PTPN14: variants seen among roughly 807,000 people sequenced by gnomAD.
PTPN14 encodes the protein protein tyrosine phosphatase non-receptor type 14, also known as tyrosine-protein phosphatase non-receptor type 14.
In PTPN14, 53 loss-of-function variants were observed where a neutral mutation model predicts 126.8. That is an observed-to-expected ratio of 0.42 (90% CI 0.34 to 0.53). The LOEUF (loss-of-function observed/expected upper bound fraction) is 0.53. PTPN14 is among the 20% of genes least tolerant of loss of function. The probability of loss-of-function intolerance (pLI) is 0.08; values close to 1 mark genes in which losing one functional copy is unlikely to be tolerated. For missense variants in PTPN14, 1,257 were observed against 1,552.9 expected, an observed-to-expected ratio of 0.81 and a Z score of 3.20; for synonymous variants, 630 against 599.3, an observed-to-expected ratio of 1.05 and a Z score of -0.75.
rs1272103157 is a variant in PTPN14, at chr1:214,355,865, T to C, written c.*2057A>G. On this transcript the variant is annotated 3_prime_UTR_variant, in exon 19 of 19. Coordinates refer to ENST00000366956, the MANE Select transcript of PTPN14 (RefSeq NM_005401.5). ...ACAAAAGCAGCAATGAAGAAAGGCATATGGAACTCTCACAGCAGTCAATTC... is the reference window on the plus strand; with the variant it reads ...ACAAAAGCAGCAATGAAGAAAGGCACATGGAACTCTCACAGCAGTCAATTC... 6.6e-6 allele frequency: 1 copy of C among 152,044 alleles called. No homozygotes were observed. The highest frequency in any genetic ancestry group is 1.5e-5 in the Non-Finnish European group (1 of 68,026). 9.4% of individuals were successfully genotyped at this position (152,044 alleles called of 1,614,324 possible).
At chr1:214,413,239 C>T (rs910963828) in intron 4 of PTPN14, among the ~76,000 whole-genome samples, 7 of 152,208 alleles carry the variant, frequency 4.6e-5, no homozygotes, top group Non-Finnish European at 4.4e-5. Context: ...TTGATCTTCT[C>T]CATTATTTCA....
At position 214,383,599 on chromosome 1, in the gene PTPN14, G is replaced by A. The variant is rs748236449; in HGVS notation, c.2256C>T (p.Tyr752=). 9.9e-6 allele frequency: 16 copies of A among 1,613,394 alleles called. No homozygotes were observed. The highest frequency in any genetic ancestry group is 1.3e-5 in the Non-Finnish European group (15 of 1,179,952). ...TGCTCACACTCTTCCTTGGACCGGGGTACTCAGGCGGGGGCTTGTTGGGGA... is the reference window on the plus strand; with the variant it reads ...TGCTCACACTCTTCCTTGGACCGGGATACTCAGGCGGGGGCTTGTTGGGGA... ...ARIPNKPPPE[Y]PGPRKSVSNG... Residue 752 remains tyrosine, a synonymous_variant, in exon 13 of 19, where the codon TAC becomes TAT. Transcript: ENST00000366956. The surrounding 1 kb of genome is among the most constrained non-coding windows in gnomAD (Gnocchi z 4.4).
At chr1:214,380,557 G>C (rs768804583) in intron 13 of PTPN14, among the ~76,000 whole-genome samples, 1 of 152,180 alleles carries the variant, frequency 6.6e-6, no homozygotes, top group Non-Finnish European at 1.5e-5. Flanking sequence ...CTATAAAAGC[G>C]GCGGAACCAT....
chr1:214,549,386 T>C (rs1344102949), intron 1 of PTPN14, among the ~76,000 whole-genome samples: 1 of 152,204 alleles, frequency 6.6e-6, no homozygotes, highest in Non-Finnish European at 1.5e-5. Context: ...AGAACGACTT[T>C]AGCACAACTG....
intron 5 of PTPN14, among the ~76,000 whole-genome samples, chr1:214,405,898 C>CACA (rs1311042679): frequency 6.6e-6 from 1 of 152,128 alleles, no homozygotes; most frequent in East Asian, 1.9e-4. Flanking sequence ...TGCCCAAAGT[C>CACA]ATATAGCCAA....
At chr1:214,437,129 T>C (rs1470298583) in intron 3 of PTPN14, among the ~76,000 whole-genome samples, 1 of 152,112 alleles carries the variant, frequency 6.6e-6, no homozygotes, top group Non-Finnish European at 1.5e-5. Flanking sequence ...AAAGAAATAA[T>C]GTTTTCACAA....
rs1657763870 is a variant in PTPN14, at chr1:214,354,171, A to C, written c.*3751T>G. On this transcript the variant is annotated 3_prime_UTR_variant, in exon 19 of 19. Coordinates refer to ENST00000366956, the MANE Select transcript of PTPN14 (RefSeq NM_005401.5). Reference sequence around the variant, plus strand: ...ATGAAAGAGGGGGCCAGAGATGGCCAAGTGACTCTTAGGAAAACAATGACA... The same window carrying C: ...ATGAAAGAGGGGGCCAGAGATGGCCCAGTGACTCTTAGGAAAACAATGACA... 1 of 152,228 alleles carries C rather than the reference A, an allele frequency of 6.6e-6. No homozygotes were observed. Among genetic ancestry groups the C allele is most frequent in the Non-Finnish European group, 1.5e-5 (1 of 68,046 alleles). 9.4% of individuals were successfully genotyped at this position (152,228 alleles called of 1,614,324 possible).
At chr1:214,508,931 T>C (rs896284350) in intron 1 of PTPN14, among the ~76,000 whole-genome samples, 3 of 152,216 alleles carry the variant, frequency 2.0e-5, no homozygotes, top group African/African-American at 7.2e-5. Flanking sequence ...GTTAGAGCCG[T>C]AGGTCTCAAC....
At chr1:214,476,369 G>A (rs1004433732) in intron 1 of PTPN14, among the ~76,000 whole-genome samples, 1 of 152,202 alleles carries the variant, frequency 6.6e-6, no homozygotes, top group Non-Finnish European at 1.5e-5. Flanking sequence ...AGCTTGCTTC[G>A]CTCTTTTCCG....
rs190818354 is a variant in PTPN14 at position 214,531,480 on chromosome 1, C to T, written c.-155+19703G>A. The stretch of plus-strand genomic sequence containing the variant: ...AGACCCAACTATCATTTCCAAAACC[C>T]ATCTCTACAACCCAGCCTAACACAC... On this transcript the variant is annotated intron_variant, in intron 1 of 18. Coordinates refer to ENST00000366956, the MANE Select transcript of PTPN14 (RefSeq NM_005401.5). 4.4e-3 allele frequency: 629 copies of T among 143,988 alleles called. 5 individuals are homozygous for T. The highest frequency in any genetic ancestry group is 0.012 in the Middle Eastern group (3 of 252). The allele number at this position is 143,988 out of a possible 1,614,324, so 8.9% of individuals were successfully genotyped here.
intron 1 of PTPN14, chr1:214,482,918 A>C (rs371306118): frequency 1.9e-6 from 3 of 1,596,524 alleles, no homozygotes; most frequent in South Asian, 1.1e-5. Flanking sequence ...CACAGGCTGG[A>C]GCTCCCACTA....
intron 3 of PTPN14, among the ~76,000 whole-genome samples, chr1:214,450,693 G>A (rs745850286): frequency 2.6e-5 from 4 of 152,100 alleles, no homozygotes; most frequent in Non-Finnish European, 5.9e-5. Context: ...AAAAGTAAAG[G>A]GTTTATGTGA....
At chr1:214,447,950 A>C (rs1293761446) in intron 3 of PTPN14, among the ~76,000 whole-genome samples, 1 of 152,220 alleles carries the variant, frequency 6.6e-6, no homozygotes, top group African/African-American at 2.4e-5. Context: ...ATCTGAAATA[A>C]ACCAGGCTAA....
At chr1:214,427,460 A>G (rs1659694676) in intron 3 of PTPN14, among the ~76,000 whole-genome samples, 1 of 152,166 alleles carries the variant, frequency 6.6e-6, no homozygotes, top group Non-Finnish European at 1.5e-5. Context: ...TAAAAAGTAA[A>G]CCAACTTAGT....
rs145596921 is a variant in PTPN14 at position 214,362,267 on chromosome 1, A to G, written c.3435+2245T>C. 1.3e-3 allele frequency among the ~76,000 whole-genome samples: 204 copies of G among 152,348 alleles called. 1 individual carries two copies. The highest frequency in any genetic ancestry group is 4.7e-3 in the African/African-American group (196 of 41,590). ...AGCAACCATGGGAAATAGGACAGATAAGACTGGCTATATTTGTGCTAGGGG... is the reference window on the plus strand; with the variant it reads ...AGCAACCATGGGAAATAGGACAGATGAGACTGGCTATATTTGTGCTAGGGG... On this transcript the variant is annotated intron_variant, in intron 18 of 18. Transcript: ENST00000366956.
intron 17 of PTPN14, among the ~76,000 whole-genome samples, chr1:214,368,064 T>C (rs1658124349): frequency 1.3e-5 from 2 of 152,166 alleles, no homozygotes; most frequent in Non-Finnish European, 2.9e-5. Flanking sequence ...TACAAGAGGG[T>C]TTCAATACTT....
At chr1:214,403,140 G>A (rs968159649) in intron 5 of PTPN14, among the ~76,000 whole-genome samples, 187 bp from the exon 6 acceptor site, 1 of 152,118 alleles carries the variant, frequency 6.6e-6, no homozygotes, top group East Asian at 1.9e-4. Flanking sequence ...GTTATAACAC[G>A]GCTCTCCATT....
intron 1 of PTPN14, among the ~76,000 whole-genome samples, chr1:214,517,343 G>C (rs1448842656): frequency 1.3e-5 from 2 of 151,922 alleles, no homozygotes; most frequent in Non-Finnish European, 1.5e-5. Flanking sequence ...ATCCTAAATG[G>C]AGAAGGGAAA....
At chr1:214,513,500 T>C (rs1449288422) in intron 1 of PTPN14, among the ~76,000 whole-genome samples, 3 of 152,110 alleles carry the variant, frequency 2.0e-5, no homozygotes, top group Non-Finnish European at 2.9e-5. Context: ...CACAATTATC[T>C]AGGACTTAAC....
Sources: gnomAD v4.1 joint callset for allele counts (sites outside exome capture counted in the v4.1 genomes callset) on GRCh38, gnomAD v4.1.1 for gene constraint, Gnocchi (gnomAD v3.1) non-coding constraint, MANE v1.5 for transcripts, NCBI Gene and HGNC (gene_info 2026-07-23, HGNC 2026-07-21) for gene names.